The following DGKG variants were observed in gnomAD, a reference collection of about 807,000 sequenced individuals.
DGKG encodes diacylglycerol kinase gamma, also known as DAG kinase gamma.
Under a neutral mutation model 105.3 loss-of-function variants are expected in DGKG, and 78 were observed. That is an observed-to-expected ratio of 0.74 (90% CI 0.62 to 0.89). The LOEUF is 0.89. Ranked by LOEUF, DGKG falls within the 40% of genes least tolerant of loss-of-function variation. DGKG has a pLI of 0.00. For missense variants in DGKG, 958 were observed against 1,020.1 expected, an observed-to-expected ratio of 0.94 and a Z score of 0.83; for synonymous variants, 346 against 367.1, an observed-to-expected ratio of 0.94 and a Z score of 0.66.
chr3:186,314,927 A>G (rs902226478), intron 2 of DGKG, among the ~76,000 whole-genome samples: 3 of 152,026 alleles, frequency 2.0e-5, no homozygotes, highest in Admixed American at 2.0e-4. Context: ...GGCATCATGG[A>G]ACTTTTAAGG....
At chr3:186,260,365 G>A in intron 16 of DGKG, 74 bp downstream of exon 16, 1 of 1,081,460 alleles carries the variant, frequency 9.2e-7, no homozygotes, top group Non-Finnish European at 1.4e-6. Context: ...AAAAAAAGGT[G>A]ACAAAAGAGG....
intron 2 of DGKG, among the ~76,000 whole-genome samples, chr3:186,319,795 T>C (rs1319685869): frequency 6.6e-6 from 1 of 152,166 alleles, no homozygotes; most frequent in Non-Finnish European, 1.5e-5. Flanking sequence ...CTGAATTGGT[T>C]CTGGGGCACA....
intron 20 of DGKG, among the ~76,000 whole-genome samples, chr3:186,220,586 T>C (rs573355836): frequency 5.9e-5 from 9 of 152,342 alleles, no homozygotes; most frequent in African/African-American, 1.9e-4. Flanking sequence ...CATTCATGCC[T>C]GTGAGCTGGG....
chr3:186,170,607 T>C (rs1259670604), intron 22 of DGKG, among the ~76,000 whole-genome samples: 1 of 152,228 alleles, frequency 6.6e-6, no homozygotes, highest in Non-Finnish European at 1.5e-5. Flanking sequence ...GCTATTTCAA[T>C]GGAAAATTTG....
In DGKG at chr3:186,275,586, T is replaced by C. The variant is rs1441281210; in HGVS notation, c.871A>G (p.Met291Val). ...KPTYCNFCHI[M>V]LMGVRKQGLC... ...CCTTGCTTGCGGACGCCCATGAGCA[T>C]GATATGGCAGAAGTTGCAGTAGGTT... The change falls in exon 10 of 25, where the codon ATG becomes GTG. Residue 291 changes from methionine (M) to valine (V), a missense_variant. This residue lies in a region of DGKG where 643 missense variants were observed against 619.5 expected (regional missense o/e 1.04). Transcript: ENST00000265022. 1.9e-6 allele frequency: 3 copies of C among 1,614,216 alleles called. No individual in the cohort carries two copies. The highest frequency in any genetic ancestry group is 3.3e-5 in the Admixed American group (2 of 60,030).
chr3:186,317,895 C>T (rs1010154469), intron 2 of DGKG, among the ~76,000 whole-genome samples: 1 of 152,188 alleles, frequency 6.6e-6, no homozygotes, highest in Admixed American at 6.5e-5. Flanking sequence ...TGTGTTATCA[C>T]CATCTCCAAA....
At chr3:186,291,313 A>G (rs1293818785) in intron 5 of DGKG, among the ~76,000 whole-genome samples, 2 of 151,384 alleles carry the variant, frequency 1.3e-5, no homozygotes, top group Non-Finnish European at 2.9e-5. Context: ...AATATCCCTT[A>G]TGAACACAGA....
At chr3:186,268,169 T>C (rs1307229688) in intron 12 of DGKG, among the ~76,000 whole-genome samples, 1 of 152,192 alleles carries the variant, frequency 6.6e-6, no homozygotes, top group Non-Finnish European at 1.5e-5. Flanking sequence ...ACCTTGTGAT[T>C]CAACCTTTGT....
chr3:186,357,091 G>T (rs1560171775), intron 1 of DGKG, among the ~76,000 whole-genome samples: 1 of 152,054 alleles, frequency 6.6e-6, no homozygotes, highest in Non-Finnish European at 1.5e-5. Flanking sequence ...GGAGCAGTTG[G>T]GGGAGCTGGA....
chr3:186,233,184 A>T (rs1411497151), intron 20 of DGKG, among the ~76,000 whole-genome samples: 1 of 152,062 alleles, frequency 6.6e-6, no homozygotes, highest in African/African-American at 2.4e-5. Flanking sequence ...AGGATCCTGA[A>T]TTTTCTGGGT....
At chr3:186,255,412 A>T (rs1296832121) in intron 17 of DGKG, among the ~76,000 whole-genome samples, 3 of 152,226 alleles carry the variant, frequency 2.0e-5, no homozygotes, top group African/African-American at 7.2e-5. Context: ...TAAGAAGGTG[A>T]CTGAGGCTGG....
At chr3:186,359,977 C>T (rs1010581939) in intron 1 of DGKG, among the ~76,000 whole-genome samples, 11 of 152,220 alleles carry the variant, frequency 7.2e-5, no homozygotes, top group African/African-American at 2.6e-4. Flanking sequence ...CGCCCTTTTC[C>T]CCCTTCTCTT....
At chr3:186,296,686 T>C (rs1723580437) in intron 5 of DGKG, among the ~76,000 whole-genome samples, 1 of 152,196 alleles carries the variant, frequency 6.6e-6, no homozygotes, top group South Asian at 2.1e-4. Flanking sequence ...GTCCTCTCTC[T>C]CTATAGGAAA....
At chr3:186,349,308 GT>G (rs1414339694) in intron 1 of DGKG, among the ~76,000 whole-genome samples, 1 of 152,110 alleles carries the variant, frequency 6.6e-6, no homozygotes, top group East Asian at 1.9e-4. Context: ...TCACTTTCAT[GT>G]TTTTTGTCAG....
chr3:186,161,080 G>GTTTCAAGTAGGTTATC, intron 24 of DGKG: 1 of 987,082 alleles, frequency 1.0e-6, no homozygotes, highest in African/African-American at 1.7e-5. Context: ...TAGGTTATCA[G>GTTTCAAGTAGGTTATC]GGCTTTGGGT....
intron 20 of DGKG, among the ~76,000 whole-genome samples, chr3:186,232,882 A>G (rs2108542002): frequency 6.6e-6 from 1 of 152,346 alleles, no homozygotes; most frequent in Admixed American, 6.5e-5. Context: ...TGAATCATCT[A>G]ACATGGTTAT....
intron 5 of DGKG, among the ~76,000 whole-genome samples, chr3:186,293,338 C>A (rs1325263745): frequency 6.6e-6 from 1 of 152,112 alleles, no homozygotes; most frequent in Non-Finnish European, 1.5e-5. Context: ...TTTTTTGTGT[C>A]CTTCAAATTT....
chr3:186,303,704 T>G (rs2108621706), intron 3 of DGKG, among the ~76,000 whole-genome samples: 1 of 152,270 alleles, frequency 6.6e-6, no homozygotes, highest in Non-Finnish European at 1.5e-5. Flanking sequence ...TTTCTGGGTT[T>G]TGCCCACTCT....
At chr3:186,209,290 C>T (rs902728979) in intron 21 of DGKG, among the ~76,000 whole-genome samples, 1 of 151,844 alleles carries the variant, frequency 6.6e-6, no homozygotes, top group Admixed American at 6.6e-5. Flanking sequence ...TTAGTAGAAA[C>T]AGTGTTTCAC....
Sources: allele counts gnomAD v4.1 joint callset (sites outside exome capture counted in the v4.1 genomes callset), GRCh38; gene constraint gnomAD v4.1.1; regional missense constraint gnomAD v4.1.1; transcripts MANE v1.5; gene names NCBI Gene and HGNC (gene_info 2026-07-23, HGNC 2026-07-21).